Variants in SDK1 observed in about 807,000 individuals in gnomAD.
The protein encoded by SDK1 is protein sidekick-1.
In SDK1, 157 loss-of-function variants were observed where a neutral mutation model predicts 245.5. That is an observed-to-expected ratio of 0.64 (90% confidence interval 0.56 to 0.73). SDK1 has a LOEUF of 0.73. Ranked by LOEUF, SDK1 falls within the 30% of genes least tolerant of loss-of-function variation. The pLI, the probability that SDK1 is intolerant of heterozygous loss-of-function variation, is 0.00. For missense variants in SDK1, 3,583 were observed against 3,002.3 expected (o/e 1.19, Z -4.52); for synonymous variants, 1,647 against 1,278.5 (o/e 1.29, Z -6.15).
intron 1 of SDK1, among the ~76,000 whole-genome samples, chr7:3,427,521 CAAAAAAAA>C (rs57827479): frequency 1.0e-5 from 1 of 96,182 alleles, no homozygotes; most frequent in Non-Finnish European, 2.4e-5. Flanking sequence ...CTCCATCTCC[CAAAAAAAA>C]AAAAAAAAAA....
At chr7:3,816,260 G>C (rs1779505280) in intron 4 of SDK1, among the ~76,000 whole-genome samples, 1 of 151,936 alleles carries the variant, frequency 6.6e-6, no homozygotes, top group Non-Finnish European at 1.5e-5. Flanking sequence ...CAGAACTGAA[G>C]GAAAGAGAGA....
intron 35 of SDK1, among the ~76,000 whole-genome samples, chr7:4,186,503 G>A (rs915013403): frequency 3.3e-5 from 5 of 152,198 alleles, no homozygotes; most frequent in South Asian, 2.1e-4. Context: ...CTGTGGCCTC[G>A]TGGTTCCCTC....
chr7:3,488,904 C>CGTGTGTGTGTGT (rs59773114), intron 1 of SDK1, among the ~76,000 whole-genome samples: 22 of 147,116 alleles, frequency 1.5e-4, no homozygotes, highest in African/African-American at 5.5e-4. Flanking sequence ...TTCCTCCCTC[C>CGTGTGTGTGTGT]GTGTGTGTGT....
At position 3,507,118 on chromosome 7, in the gene SDK1, G is replaced by T. The variant is rs1020310092; in HGVS notation, c.299-111962G>T. ...TAATCCCGGTACCTGGTCTTCTAGGGTGTCTGCTGAATGCCCTAGGTGTTT... is the reference window on the plus strand; with the variant it reads ...TAATCCCGGTACCTGGTCTTCTAGGTTGTCTGCTGAATGCCCTAGGTGTTT... On this transcript the variant is annotated intron_variant, in intron 1 of 44. Transcript: ENST00000404826. Among the ~76,000 whole-genome samples the T allele has an allele frequency of 2.6e-5, 4 of 152,150 alleles. No homozygotes were observed. The East Asian group carries it at 7.7e-4, about 29-fold the overall frequency.
intron 1 of SDK1, among the ~76,000 whole-genome samples, chr7:3,430,931 C>T (rs566590425): frequency 9.8e-5 from 15 of 152,304 alleles, no homozygotes; most frequent in South Asian, 8.3e-4. Flanking sequence ...GATGGAATCT[C>T]GCTCTGTTGC....
At chr7:4,142,490 G>A (rs377762673) in intron 28 of SDK1, among the ~76,000 whole-genome samples, 95 of 152,096 alleles carry the variant, frequency 6.2e-4, no homozygotes, top group African/African-American at 2.0e-3. Flanking sequence ...CATCACGCCC[G>A]GCTAATTTTT....
intron 1 of SDK1, among the ~76,000 whole-genome samples, chr7:3,616,043 C>G (rs998666554): frequency 1.3e-5 from 2 of 152,108 alleles, no homozygotes; most frequent in African/African-American, 4.8e-5. Flanking sequence ...TATCACCACA[C>G]TGGCTAATTT....
intron 1 of SDK1, among the ~76,000 whole-genome samples, chr7:3,587,683 A>C (rs1044978830): frequency 6.6e-6 from 1 of 152,192 alleles, no homozygotes; most frequent in African/African-American, 2.4e-5. Context: ...TCTTCTCCGG[A>C]AATACCTTCA....
At position 3,581,207 on chromosome 7, in the gene SDK1, A is replaced by G. The variant is rs150301454; in HGVS notation, c.299-37873A>G. ...GAATAGGAGAAAATATTGGCTAACT[A>G]TGTATCTGACAAAGGTATATCCAGT... is the stretch of plus-strand genomic sequence containing the variant. On this transcript the variant is annotated intron_variant, in intron 1 of 44. Transcript: ENST00000404826. Among the ~76,000 whole-genome samples the G allele has an allele frequency of 5.8e-3, 882 of 152,272 alleles. 4 individuals carry two copies. Among genetic ancestry groups the G allele is most frequent in the Non-Finnish European group, 8.7e-3 (593 of 68,012 alleles).
intron 13 of SDK1, among the ~76,000 whole-genome samples, chr7:3,986,204 T>C (rs1269254386): frequency 2.6e-5 from 4 of 152,162 alleles, no homozygotes; most frequent in Non-Finnish European, 5.9e-5. Flanking sequence ...AAAACTTTTT[T>C]TTTTTTTAAC....
In SDK1 at chr7:3,537,354, T is replaced by G. The variant is rs549612180; in HGVS notation, c.299-81726T>G. Among the ~76,000 whole-genome samples, 4 of 152,340 alleles carry G rather than the reference T, an allele frequency of 2.6e-5. No individual in the cohort carries two copies. In the East Asian group the frequency reaches 7.7e-4, roughly 29 times the overall value. On this transcript the variant is annotated intron_variant, in intron 1 of 44. Coordinates refer to ENST00000404826, the MANE Select transcript of SDK1 (RefSeq NM_152744.4). ...GGCCCTAAGTCACACAGCTGGGAAG[T>G]GCTAGAGCCAGGGCCTGGCCTCAGG...
chr7:3,603,070 T>C (rs1049380228), intron 1 of SDK1, among the ~76,000 whole-genome samples: 10 of 151,916 alleles, frequency 6.6e-5, no homozygotes, highest in Admixed American at 5.3e-4. Context: ...TGCCATGCTG[T>C]TTTGGTTACT....
chr7:4,006,975 C>T (rs983444536), intron 14 of SDK1, among the ~76,000 whole-genome samples: 1 of 152,234 alleles, frequency 6.6e-6, no homozygotes, highest in Non-Finnish European at 1.5e-5. Context: ...TGATTAATCG[C>T]CTCAGTCACC....
At chr7:4,088,420 C>G (rs1253649473) in intron 22 of SDK1, among the ~76,000 whole-genome samples, 1 of 152,090 alleles carries the variant, frequency 6.6e-6, no homozygotes, top group Non-Finnish European at 1.5e-5. Context: ...TTTGTTTTGT[C>G]ACTCTAAAGA....
rs1788404915 is a variant in SDK1 at position 4,265,377 on chromosome 7, T to C, written c.6635T>C (p.Phe2212Ser). The part of the protein sequence containing the change: ...ARTPLTGFSS[F>S]V ...ACTCCGCTCACCGGCTTCTCCTCCT[T>C]CGTGTGAGCAAAGCGCCGCGCCTCC... The change falls in exon 45 of 45, where the codon TTC becomes TCC. Residue 2212 changes from phenylalanine to serine, a missense_variant. Physicochemically the swap from Phe to Ser is radical, Grantham distance 155. Transcript: ENST00000404826. 2.1e-6 allele frequency: 3 copies of C among 1,436,236 alleles called. No homozygotes were observed. Among genetic ancestry groups the C allele is most frequent in the Admixed American group, 3.0e-5 (1 of 33,596 alleles). 89.0% of individuals were successfully genotyped at this position (1,436,236 alleles called of 1,614,324 possible).
chr7:3,537,383 A>G (rs1778918623), intron 1 of SDK1, among the ~76,000 whole-genome samples: 1 of 152,170 alleles, frequency 6.6e-6, no homozygotes, highest in Non-Finnish European at 1.5e-5. Context: ...CCTCAGGTCC[A>G]TGTGCCCCTG....
At chr7:3,987,779 G>A (rs60644421) in intron 14 of SDK1, among the ~76,000 whole-genome samples, 38,433 of 151,892 alleles carry the variant, frequency 0.25, 4,988 homozygotes, top group African/African-American at 0.28. Context: ...CCCATTTACC[G>A]CCATCCTTGG....
At chr7:3,862,429 T>C (rs957686449) in intron 5 of SDK1, among the ~76,000 whole-genome samples, 1 of 152,238 alleles carries the variant, frequency 6.6e-6, no homozygotes, top group Admixed American at 6.5e-5. Flanking sequence ...GAATGATTTT[T>C]GACAATGTCT....
chr7:3,685,511 A>G (rs569542861), intron 4 of SDK1, among the ~76,000 whole-genome samples: 3 of 152,232 alleles, frequency 2.0e-5, no homozygotes, highest in Non-Finnish European at 4.4e-5. Context: ...GACTTTAGAA[A>G]GAAAAGAATG....
Sources: allele counts gnomAD v4.1 joint callset (sites outside exome capture counted in the v4.1 genomes callset), GRCh38; gene constraint gnomAD v4.1.1; transcripts MANE v1.5; gene names NCBI Gene and HGNC (gene_info 2026-07-23, HGNC 2026-07-21).